The following XKR4 variants were observed in gnomAD, a reference collection of about 807,000 sequenced individuals.
XKR4 encodes the protein XK related 4.
XKR4 carries 12 observed loss-of-function variants against 53.9 expected under a neutral mutation model. That is an observed-to-expected ratio of 0.22 (90% CI 0.14 to 0.36). XKR4 has a LOEUF of 0.36. Ranked by LOEUF, XKR4 falls within the 10% of genes least tolerant of loss-of-function variation. The pLI, the probability that XKR4 is intolerant of heterozygous loss-of-function variation, is 1.00. For synonymous variants in XKR4, 354 were observed against 362.4 expected (o/e 0.98, Z 0.26); for missense variants, 799 against 859.5 (o/e 0.93, Z 0.88).
intron 2 of XKR4, among the ~76,000 whole-genome samples, chr8:55,443,304 T>C (rs1252646512): frequency 6.6e-6 from 1 of 151,570 alleles, no homozygotes; most frequent in Non-Finnish European, 1.5e-5. Flanking sequence ...TGAATATATA[T>C]TACTATATAA....
intron 2 of XKR4, among the ~76,000 whole-genome samples, chr8:55,436,799 T>C (rs1805183743): frequency 6.6e-6 from 1 of 152,202 alleles, no homozygotes; most frequent in Non-Finnish European, 1.5e-5. Context: ...GTGTTGGACT[T>C]GATTATCTTT....
intron 2 of XKR4, among the ~76,000 whole-genome samples, chr8:55,375,418 A>C (rs1464234964): frequency 6.6e-6 from 1 of 152,072 alleles, no homozygotes; most frequent in Non-Finnish European, 1.5e-5. Flanking sequence ...TCCTAAATGG[A>C]TGTGGACCAA....
intron 1 of XKR4, among the ~76,000 whole-genome samples, chr8:55,189,340 A>G (rs1448036270): frequency 6.6e-6 from 1 of 152,148 alleles, no homozygotes; most frequent in Non-Finnish European, 1.5e-5. Context: ...GCCGAGGCAC[A>G]GCTAATGTAT....
chr8:55,274,551 G>A (rs371941358), intron 1 of XKR4, among the ~76,000 whole-genome samples: 14 of 152,046 alleles, frequency 9.2e-5, no homozygotes, highest in African/African-American at 3.4e-4. Context: ...TCCTGCCCCA[G>A]GCTCCTGAGT....
rs141788154 is a variant in XKR4 at position 55,288,242 on chromosome 8, C to A, written c.807-69436C>A. Among the ~76,000 whole-genome samples, 473 of 152,282 alleles carry A rather than the reference C, an allele frequency of 3.1e-3. 4 individuals are homozygous for A. Among genetic ancestry groups the A allele is most frequent in the Non-Finnish European group, 5.4e-3 (367 of 68,020 alleles). ...AGTATTCAGTCACATACAAAGATTGCAATTCGGCTTTCAAGGGCTTGGGGA... is the reference window on the plus strand; with the variant it reads ...AGTATTCAGTCACATACAAAGATTGAAATTCGGCTTTCAAGGGCTTGGGGA... On this transcript the variant is annotated intron_variant, in intron 1 of 2. Transcript: ENST00000327381.
chr8:55,379,616 T>C (rs1364536870), intron 2 of XKR4, among the ~76,000 whole-genome samples: 1 of 152,234 alleles, frequency 6.6e-6, no homozygotes, highest in African/African-American at 2.4e-5. Context: ...GGTGCTGGTG[T>C]TCACTTGTTC....
At chr8:55,415,301 C>T (rs965534675) in intron 2 of XKR4, among the ~76,000 whole-genome samples, 6 of 152,134 alleles carry the variant, frequency 3.9e-5, no homozygotes, top group African/African-American at 9.7e-5. Flanking sequence ...GCAAGGGCAC[C>T]TCACTTGGAC....
At chr8:55,175,804 A>G (rs1263096744) in intron 1 of XKR4, among the ~76,000 whole-genome samples, 7 of 152,218 alleles carry the variant, frequency 4.6e-5, no homozygotes, top group Non-Finnish European at 8.8e-5. Context: ...ATAATACTTA[A>G]AATAAATAGT....
At chr8:55,125,242 T>C (rs1004428305) in intron 1 of XKR4, among the ~76,000 whole-genome samples, 6 of 152,162 alleles carry the variant, frequency 3.9e-5, no homozygotes, top group African/African-American at 1.4e-4. Flanking sequence ...TTTTTCTTTT[T>C]TTCTTGAGAT....
chr8:55,432,160 G>T (rs1328146893), intron 2 of XKR4, among the ~76,000 whole-genome samples: 1 of 152,192 alleles, frequency 6.6e-6, no homozygotes, highest in African/African-American at 2.4e-5. Context: ...TGTGTGCTGG[G>T]TGGCTGGGGC....
chr8:55,294,063 AT>A (rs1819066201), intron 1 of XKR4, among the ~76,000 whole-genome samples: 1 of 152,190 alleles, frequency 6.6e-6, no homozygotes, highest in African/African-American at 2.4e-5. Context: ...CCACTGGAAT[AT>A]TTTCAAAGCC....
chr8:55,416,553 C>G (rs1804848178), intron 2 of XKR4, among the ~76,000 whole-genome samples: 1 of 152,186 alleles, frequency 6.6e-6, no homozygotes, highest in African/African-American at 2.4e-5. Flanking sequence ...CATCAATATG[C>G]TAAGGTGATC....
intron 2 of XKR4, among the ~76,000 whole-genome samples, chr8:55,475,385 T>TTTGTTGTTG (rs60246172): frequency 3.5e-4 from 52 of 149,594 alleles, no homozygotes; most frequent in African/African-American, 1.3e-3. Flanking sequence ...TTTTGCTTAT[T>TTTGTTGTTG]TTGTTGTTGT....
chr8:55,380,128 G>A (rs1343670469), intron 2 of XKR4, among the ~76,000 whole-genome samples: 1 of 152,160 alleles, frequency 6.6e-6, no homozygotes, highest in Non-Finnish European at 1.5e-5. Context: ...TGCTCCATTG[G>A]TTCTGATGAG....
chr8:55,346,388 G>A (rs927844953), intron 1 of XKR4, among the ~76,000 whole-genome samples: 1 of 152,054 alleles, frequency 6.6e-6, no homozygotes, highest in African/African-American at 2.4e-5. Flanking sequence ...ACTCAGCCCC[G>A]CTTCATTCTT....
At chr8:55,360,078 G>C (rs1330817902) in intron 2 of XKR4, among the ~76,000 whole-genome samples, 1 of 152,194 alleles carries the variant, frequency 6.6e-6, no homozygotes. Flanking sequence ...CAAAAGACAG[G>C]TTGATCCAAA....
At chr8:55,481,403 G>C (rs1271855751) in intron 2 of XKR4, among the ~76,000 whole-genome samples, 2 of 151,834 alleles carry the variant, frequency 1.3e-5, no homozygotes, top group East Asian at 1.9e-4. Context: ...ATTCAAGATG[G>C]ATTAAAGACT....
chr8:55,383,524 G>A (rs1303349895), intron 2 of XKR4, among the ~76,000 whole-genome samples: 2 of 152,182 alleles, frequency 1.3e-5, no homozygotes, highest in African/African-American at 2.4e-5. Context: ...GCAGGAATTT[G>A]GGTGTTTGGC....
At position 55,102,465 on chromosome 8, in the gene XKR4, G is replaced by A. The variant is rs1816058076; in HGVS notation, c.-24G>A. 6.5e-7 allele frequency: 1 copy of A among 1,534,256 alleles called. No homozygotes were observed. The highest frequency in any genetic ancestry group is 8.8e-7 in the Non-Finnish European group (1 of 1,135,092). On this transcript the variant is annotated 5_prime_UTR_variant, in exon 1 of 3. Coordinates refer to ENST00000327381, the MANE Select transcript of XKR4 (RefSeq NM_052898.2). The surrounding 1 kb of genome is among the most constrained non-coding windows in gnomAD (Gnocchi z 5.1). The stretch of plus-strand genomic sequence containing the variant: ...GGGGAAAGGTGTCAGATAAAGGAGG[G>A]CTCTCCTCCGGTGTGGAGGCATCAT...
Sources: allele counts gnomAD v4.1 joint callset (sites outside exome capture counted in the v4.1 genomes callset), GRCh38; gene constraint gnomAD v4.1.1; non-coding constraint Gnocchi (gnomAD v3.1); transcripts MANE v1.5; gene names NCBI Gene and HGNC (gene_info 2026-07-23, HGNC 2026-07-21).